Variants in CCDC74A observed in about 807,000 individuals in gnomAD.
The protein encoded by CCDC74A is coiled-coil domain-containing protein 74A.
A neutral mutation model predicts 37.6 loss-of-function variants in CCDC74A; 38 were observed. The observed-to-expected ratio is 1.01, with a 90% CI of 0.78 to 1.33. The LOEUF is 1.33. CCDC74A is among the 40% of genes most tolerant of loss of function. CCDC74A has a pLI of 0.00. For synonymous variants in CCDC74A, 134 were observed against 165.2 expected (o/e 0.81, Z 1.45); for missense variants, 340 against 403.4 (o/e 0.84, Z 1.35).
Position 131,531,809 on chromosome 2 carries a change from C to T in CCDC74A, c.485+7C>T. Reference sequence around the variant, plus strand: ...GGGTACAAGGGCAGGCCAGGTAAGGCTTGGGTGTTCCTGGGGTGCAAGGGC... The same window carrying T: ...GGGTACAAGGGCAGGCCAGGTAAGGTTTGGGTGTTCCTGGGGTGCAAGGGC... On this transcript the variant is annotated splice_region_variant and intron_variant, in intron 4 of 7. Transcript: ENST00000409856. 1 of 1,528,668 alleles carries T rather than the reference C, an allele frequency of 6.5e-7. No individual in the cohort carries two copies. The highest frequency in any genetic ancestry group is 8.7e-7 in the Non-Finnish European group (1 of 1,147,568). 94.7% of individuals were successfully genotyped at this position (1,528,668 alleles called of 1,614,324 possible). A position where few individuals can be genotyped will look rare whatever the true frequency, so the allele number is the denominator to read the frequency against.
intron 1 of CCDC74A, chr2:131,528,654 C>G: frequency 1.3e-5 from 7 of 557,986 alleles, no homozygotes; most frequent in South Asian, 1.2e-4. Flanking sequence ...ACTAAAAATA[C>G]AAAACAATTA....
In CCDC74A at chr2:131,528,081, G is replaced by A. The variant is rs752008488; in HGVS notation, c.111G>A (p.Gln37=). 2.5e-6 allele frequency: 4 copies of A among 1,611,866 alleles called. No homozygotes were observed. The highest frequency in any genetic ancestry group is 2.2e-5 in the East Asian group (1 of 44,846). Residue 37 remains glutamine, a synonymous_variant, in exon 1 of 8, where the codon CAG becomes CAA. Transcript: ENST00000409856. ...PSVGVQSLRP[Q]SPQLRQSDPQ... is the part of the protein sequence containing the mutation. ...TGGGCGTCCAGTCCTTGAGGCCGCA[G>A]AGCCCGCAGCTCAGGCAGAGCGACC...
rs774710510 is a variant in CCDC74A at position 131,530,801 on chromosome 2, A to C, written c.320A>C (p.Gln107Pro). Residue 107 changes from glutamine (Q) to proline (P), a missense_variant, in exon 3 of 8, where the codon CAG (glutamine) becomes CCG (proline). Physicochemically the swap from Gln to Pro is moderately conservative, Grantham distance 76. This residue lies in a region of CCDC74A where 154 missense variants were observed against 153.9 expected (regional missense o/e 1.00). Coordinates refer to ENST00000409856, the MANE Select transcript of CCDC74A (RefSeq NM_001258306.3). ...KKDSLSMSSF[Q>P]SVKSISNSGK... is the part of the protein sequence containing the mutation. ...GACAGCCTCTCCATGTCAAGCTTCC[A>C]GTCTGTCAAGTCCATCTCTAATTCA... 6.2e-7 allele frequency: 1 copy of C among 1,604,398 alleles called. No individual in the cohort carries two copies. Among genetic ancestry groups the C allele is most frequent in the Non-Finnish European group, 8.5e-7 (1 of 1,177,592 alleles).
Position 131,533,195 on chromosome 2 carries a change from G to C in CCDC74A, c.810-74G>C, listed in dbSNP as rs1002161026. 9 of 1,607,326 alleles carry C rather than the reference G, an allele frequency of 5.6e-6. No homozygotes were observed. The African/African-American group carries it at 1.1e-4, about 19-fold the overall frequency. On this transcript the variant is annotated intron_variant, in intron 7 of 7. Coordinates refer to ENST00000409856, the MANE Select transcript of CCDC74A (RefSeq NM_001258306.3). The stretch of plus-strand genomic sequence containing the variant: ...GAGGCCTCTCTGTGCCCCCGTGAGG[G>C]CCATGCAGGCCGCACTCCCCACACA...
At chr2:131,531,232 CAG>C (rs1681239887) in intron 3 of CCDC74A, among the ~76,000 whole-genome samples, 1 of 152,158 alleles carries the variant, frequency 6.6e-6, no homozygotes, top group South Asian at 2.1e-4. Context: ...GCACCTTCTG[CAG>C]AGTGAGCCGG....
chr2:131,524,367 A>G (rs577845763), upstream of CCDC74A, among the ~76,000 whole-genome samples: 138 of 152,280 alleles, frequency 9.1e-4, no homozygotes, highest in Non-Finnish European at 1.5e-3. Flanking sequence ...CACTGGATGC[A>G]CTCATATCTG....
Position 131,527,918 on chromosome 2 carries a change from T to G in CCDC74A, c.-53T>G, listed in dbSNP as rs1172568861. 4.7e-5 allele frequency: 66 copies of G among 1,409,234 alleles called. No homozygotes were observed. Among genetic ancestry groups the G allele is most frequent in the Non-Finnish European group, 6.0e-5 (65 of 1,080,142 alleles). The allele number at this position is 1,409,234 out of a possible 1,614,324, so 87.3% of individuals were successfully genotyped here. A position where few individuals can be genotyped will look rare whatever the true frequency, so the allele number is the denominator to read the frequency against. The stretch of plus-strand genomic sequence containing the variant: ...GACGGGGCGCCAGGCTAGGGCGGCC[T>G]GGCCACTGAGCCGGGGTGCAGTGGC... On this transcript the variant is annotated 5_prime_UTR_variant, in exon 1 of 8. Coordinates refer to ENST00000409856, the MANE Select transcript of CCDC74A (RefSeq NM_001258306.3).
intron 7 of CCDC74A, 29 bp from the exon 8 acceptor site, chr2:131,533,240 C>CA: frequency 6.2e-7 from 1 of 1,611,772 alleles, no homozygotes; most frequent in East Asian, 2.2e-5. Flanking sequence ...CGGGGATGCT[C>CA]ACGGTGACAG....
chr2:131,530,460 T>C (rs1681052267), intron 2 of CCDC74A: 1 of 1,543,662 alleles, frequency 6.5e-7, no homozygotes, highest in Admixed American at 2.0e-5. Context: ...GGGCAAAGTG[T>C]GGCCCAAGTC....
At chr2:131,526,660 T>C (rs946484758), upstream of CCDC74A, among the ~76,000 whole-genome samples, 1 of 152,216 alleles carries the variant, frequency 6.6e-6, no homozygotes, top group African/African-American at 2.4e-5. Flanking sequence ...TTTTTTATTA[T>C]GCCTTGCAAG....
At chr2:131,531,016 G>A (rs1380538014) in intron 3 of CCDC74A, among the ~76,000 whole-genome samples, 189 bp downstream of exon 3, 1 of 152,092 alleles carries the variant, frequency 6.6e-6, no homozygotes, top group Admixed American at 6.5e-5. Flanking sequence ...GGGGTGGGCA[G>A]GACCAGGGAC....
At chr2:131,527,035 T>C (rs1210845334), upstream of CCDC74A, among the ~76,000 whole-genome samples, 1 of 151,650 alleles carries the variant, frequency 6.6e-6, no homozygotes, top group Admixed American at 6.6e-5. Context: ...CTGTGATTTT[T>C]TTTTTTTTTT....
rs1012359733 is a variant in CCDC74A, at chr2:131,531,919, C to G, written c.485+117C>G. 9 of 1,288,724 alleles carry G rather than the reference C, an allele frequency of 7.0e-6. No homozygotes were observed. In the Admixed American group the frequency reaches 2.1e-4, roughly 30 times the overall value. The allele number at this position is 1,288,724 out of a possible 1,614,324, so 79.8% of individuals were successfully genotyped here. A position where few individuals can be genotyped will look rare whatever the true frequency, so the allele number is the denominator to read the frequency against. On this transcript the variant is annotated intron_variant, in intron 4 of 7. Coordinates refer to ENST00000409856, the MANE Select transcript of CCDC74A (RefSeq NM_001258306.3). ...GCCCTGCAGTCAGCCAACTGCTCTG[C>G]CCCTAGCTCCAGGGGCCTGTCTCCT...
At position 131,533,392 on chromosome 2, in the gene CCDC74A, G is replaced by T. The variant is rs776406619; in HGVS notation, c.933G>T (p.Val311=). Residue 311 remains valine, a synonymous_variant, in exon 8 of 8, where the codon GTG becomes GTT. Coordinates refer to ENST00000409856, the MANE Select transcript of CCDC74A (RefSeq NM_001258306.3). The part of the protein sequence containing the change: ...AMQKRRLHRS[V]L The stretch of plus-strand genomic sequence containing the variant: ...AGAAACGGCGCCTGCATCGCTCAGT[G>T]CTTTGAGCCACCCCAATCTGGTCAG... The T allele has an allele frequency of 1.2e-6, 2 of 1,613,492 alleles. No individual in the cohort carries two copies. Among genetic ancestry groups the T allele is most frequent in the South Asian group, 2.2e-5 (2 of 91,076 alleles).
intron 3 of CCDC74A, among the ~76,000 whole-genome samples, chr2:131,531,290 C>G (rs1248188742): frequency 1.3e-5 from 2 of 152,124 alleles, no homozygotes; most frequent in African/African-American, 4.8e-5. Flanking sequence ...GGGCATTTTC[C>G]TCAGCCCTGC....
chr2:131,533,372 C>T lies in CCDC74A; in HGVS notation c.913C>T (p.Arg305Trp), dbSNP rs763553543. The change falls in exon 8 of 8, where the codon CGG (arginine) becomes TGG (tryptophan). Residue 305 changes from arginine to tryptophan, a missense_variant. Arg to Trp is a moderately radical substitution (Grantham distance 101, BLOSUM62 -3). Transcript: ENST00000409856. ...RQKRLQAMQK[R>W]RLHRSVL The stretch of plus-strand genomic sequence containing the variant: ...GAAGAGGCTGCAGGCAATGCAGAAA[C>T]GGCGCCTGCATCGCTCAGTGCTTTG... The T allele has an allele frequency of 1.8e-5, 29 of 1,613,486 alleles. No individual in the cohort carries two copies. Among genetic ancestry groups the T allele is most frequent in the Admixed American group, 8.3e-5 (5 of 60,022 alleles).
rs562918367 is a variant in CCDC74A at position 131,533,287 on chromosome 2, G to A, written c.828G>A (p.Ala276=). The A allele has an allele frequency of 2.6e-5, 42 of 1,613,094 alleles. No homozygotes were observed. The highest frequency in any genetic ancestry group is 2.0e-4 in the African/African-American group (15 of 75,044). The change falls in exon 8 of 8, where the codon GCG becomes GCA. Residue 276 remains alanine (A), a synonymous_variant. Transcript: ENST00000409856. The part of the protein sequence containing the change: ...LSKKCLSPPV[A]ERAILPALKQ... ...GCCCCAGCCTGAGCCCACCTGTGGC[G>A]GAGCGTGCCATCCTGCCCGCACTGA...
intron 1 of CCDC74A, chr2:131,529,381 G>A (rs1467188239): frequency 1.6e-6 from 1 of 628,266 alleles, no homozygotes; most frequent in Non-Finnish European, 2.9e-6. Flanking sequence ...GGCCCTGCCT[G>A]GGCAGTGTGG....
At chr2:131,525,054 C>T (rs1680249689), upstream of CCDC74A, among the ~76,000 whole-genome samples, 1 of 152,096 alleles carries the variant, frequency 6.6e-6, no homozygotes, top group African/African-American at 2.4e-5. Flanking sequence ...TTTCTCTCCA[C>T]TCAGGATATC....
Sources: allele counts gnomAD v4.1 joint callset (sites outside exome capture counted in the v4.1 genomes callset), GRCh38; gene constraint gnomAD v4.1.1; regional missense constraint gnomAD v4.1.1; transcripts MANE v1.5; gene names NCBI Gene and HGNC (gene_info 2026-07-23, HGNC 2026-07-21).